The following MOSPD2 variants were observed in gnomAD, a reference collection of about 807,000 sequenced individuals.
The protein encoded by MOSPD2 is motile sperm domain-containing protein 2.
A neutral mutation model predicts 41.7 loss-of-function variants in MOSPD2; 5 were observed. That is an observed-to-expected ratio of 0.12 (90% CI 0.06 to 0.25). The LOEUF (loss-of-function observed/expected upper bound fraction) is 0.25, where lower values mean the gene tolerates loss of function less well. Among genes scored for constraint, MOSPD2 ranks in the 10% least tolerant of loss-of-function variants. The pLI is 1.00. For missense variants in MOSPD2, 282 were observed against 375.2 expected, an observed-to-expected ratio of 0.75 and a Z score of 2.05; for synonymous variants, 115 against 126.9, an observed-to-expected ratio of 0.91 and a Z score of 0.63.
chrX:14,895,034 A>G (rs1205976144), intron 3 of MOSPD2, among the ~76,000 whole-genome samples: 1 of 112,092 alleles, frequency 8.9e-6, no homozygotes, highest in Non-Finnish European at 1.9e-5. Flanking sequence ...GCAAGTCATT[A>G]TGTGAAACAA....
chrX:14,913,545 A>G (rs777217664), intron 10 of MOSPD2, among the ~76,000 whole-genome samples: 68 of 111,838 alleles, frequency 6.1e-4, no homozygotes, highest in Non-Finnish European at 1.0e-3. Flanking sequence ...CTTACTTAAG[A>G]TTAGGCTCTA....
chrX:14,921,694 T>C lies in MOSPD2; in HGVS notation c.*1885T>C, dbSNP rs989849162. 1.6e-5 allele frequency: 3 copies of C among 188,197 alleles called. No individual in the cohort carries two copies. Among genetic ancestry groups the C allele is most frequent in the Non-Finnish European group, 2.9e-5 (3 of 102,003 alleles). 15.5% of individuals were successfully genotyped at this position (188,197 alleles called of 1,213,427 possible). Reference sequence around the variant, plus strand: ...ATAACATATCTTGTTAATGTTTGTGTGTCTATTAAATGTGACTAAGCAGGA... The same window carrying C: ...ATAACATATCTTGTTAATGTTTGTGCGTCTATTAAATGTGACTAAGCAGGA... On this transcript the variant is annotated 3_prime_UTR_variant, in exon 15 of 15. Coordinates refer to ENST00000380492, the MANE Select transcript of MOSPD2 (RefSeq NM_152581.4).
chrX:14,900,045 C>T (rs2092570424), intron 5 of MOSPD2, among the ~76,000 whole-genome samples: 2 of 111,619 alleles, frequency 1.8e-5, no homozygotes, highest in East Asian at 2.8e-4. Flanking sequence ...GTAGATACAG[C>T]AGGCCAATGT....
chrX:14,897,505 G>T (rs1281258285), intron 5 of MOSPD2, among the ~76,000 whole-genome samples: 2 of 111,834 alleles, frequency 1.8e-5, no homozygotes, highest in Non-Finnish European at 3.8e-5. Context: ...AGCATGTCGA[G>T]GCTGGCAAGG....
chrX:14,903,042 ATTTCC>A (rs1297654792), intron 7 of MOSPD2, 38 bp downstream of exon 7: 2 of 934,366 alleles, frequency 2.1e-6, no homozygotes, highest in Non-Finnish European at 3.1e-6. Context: ...AAAATGTCTA[ATTTCC>A]TTTACTTTGC....
At position 14,921,197 on chromosome X, in the gene MOSPD2, A is replaced by G. The variant is rs898611111; in HGVS notation, c.*1388A>G. ...TAAAATGTTGAGTTTCGATTGAGCCATGTTTGGAGATTTTATTACTATTCT... is the reference window on the plus strand; with the variant it reads ...TAAAATGTTGAGTTTCGATTGAGCCGTGTTTGGAGATTTTATTACTATTCT... On this transcript the variant is annotated 3_prime_UTR_variant, in exon 15 of 15. Transcript: ENST00000380492. 271 of 911,392 alleles carry G rather than the reference A, an allele frequency of 3.0e-4. No individual in the cohort carries two copies. The highest frequency in any genetic ancestry group is 3.7e-4 in the Admixed American group (6 of 16,394). The allele number at this position is 911,392 out of a possible 1,213,427, so 75.1% of individuals were successfully genotyped here.
intron 7 of MOSPD2, among the ~76,000 whole-genome samples, chrX:14,905,500 T>G (rs1409099006): frequency 9.1e-6 from 1 of 110,485 alleles, no homozygotes; most frequent in Non-Finnish European, 1.9e-5. Flanking sequence ...ACCTTTTTTT[T>G]TGTTTGTTTT....
At chrX:14,894,515 A>G (rs1290590372) in intron 3 of MOSPD2, among the ~76,000 whole-genome samples, 1 of 109,746 alleles carries the variant, frequency 9.1e-6, no homozygotes, top group African/African-American at 3.3e-5. Context: ...ACAGGGTTTC[A>G]CTGTGTTAGC....
intron 2 of MOSPD2, among the ~76,000 whole-genome samples, chrX:14,888,277 A>G (rs903952928): frequency 1.9e-4 from 20 of 107,750 alleles, no homozygotes; most frequent in Non-Finnish European, 3.5e-4. Context: ...CCCTTCTGAT[A>G]TGGTTTGGCT....
chrX:14,898,127 A>G (rs2092566285), intron 5 of MOSPD2, among the ~76,000 whole-genome samples: 1 of 112,184 alleles, frequency 8.9e-6, no homozygotes, highest in Non-Finnish European at 1.9e-5. Context: ...CAGAAAAAGC[A>G]TCATACATCA....
intron 10 of MOSPD2, among the ~76,000 whole-genome samples, chrX:14,913,688 T>C (rs747431653): frequency 8.9e-6 from 1 of 112,136 alleles, no homozygotes; most frequent in African/African-American, 3.2e-5. Flanking sequence ...ATTCCTGATA[T>C]AAAATTAACC....
intron 2 of MOSPD2, among the ~76,000 whole-genome samples, chrX:14,877,977 C>CA (rs1182798930): frequency 8.0e-4 from 71 of 88,777 alleles, no homozygotes; most frequent in South Asian, 1.0e-3. Flanking sequence ...GACTCCATCT[C>CA]AAAAAAAAAA....
intron 6 of MOSPD2, 112 bp downstream of exon 6, chrX:14,900,747 C>A: frequency 2.7e-6 from 1 of 365,911 alleles, no homozygotes; most frequent in Non-Finnish European, 4.7e-6. Context: ...ACTTTGTTTT[C>A]TGATGAAGAA....
chrX:14,886,645 T>C (rs1243488879), intron 2 of MOSPD2, among the ~76,000 whole-genome samples: 1 of 111,057 alleles, frequency 9.0e-6, no homozygotes, highest in Non-Finnish European at 1.9e-5. Context: ...TCTGGGCCTA[T>C]ACAGAATAAG....
intron 2 of MOSPD2, among the ~76,000 whole-genome samples, chrX:14,884,102 T>C (rs1324371967): frequency 9.0e-6 from 1 of 111,441 alleles, no homozygotes; most frequent in African/African-American, 3.3e-5. Flanking sequence ...GGGAAATAAC[T>C]GCTCACTTAG....
rs1278055235 is a variant in MOSPD2 at position 14,920,490 on chromosome X, AGCG to A, written c.*682_*684del. The A allele has an allele frequency of 5.2e-3, 3,941 of 752,536 alleles. 114 individuals carry two copies. The African/African-American group carries it at 0.083, about 16-fold the overall frequency. The allele number at this position is 752,536 out of a possible 1,213,427, so 62.0% of individuals were successfully genotyped here. A position where few individuals can be genotyped will look rare whatever the true frequency, so the allele number is the denominator to read the frequency against. ...CATTTCAGTAGAATTTGGAAAACTA[AGCG>A]TGGTTGGAATTTCTTTGAATTCTGT... On this transcript the variant is annotated 3_prime_UTR_variant, in exon 15 of 15. Coordinates refer to ENST00000380492, the MANE Select transcript of MOSPD2 (RefSeq NM_152581.4).
rs2092609988 is a variant in MOSPD2, at chrX:14,921,744, A to G, written c.*1935A>G. ...ATTACTGAAAATTCACTATAAAATC[A>G]AAGGCATCTAAACGTTTGTACTTGT... On this transcript the variant is annotated 3_prime_UTR_variant, in exon 15 of 15. Coordinates refer to ENST00000380492, the MANE Select transcript of MOSPD2 (RefSeq NM_152581.4). 7.1e-6 allele frequency: 1 copy of G among 140,314 alleles called. No homozygotes were observed. The highest frequency in any genetic ancestry group is 1.4e-5 in the Non-Finnish European group (1 of 71,073). 11.6% of individuals were successfully genotyped at this position (140,314 alleles called of 1,213,427 possible). A position where few individuals can be genotyped will look rare whatever the true frequency, so the allele number is the denominator to read the frequency against.
At position 14,889,525 on chromosome X, in the gene MOSPD2, C is replaced by A. The variant is rs943555279; in HGVS notation, c.80-3198C>A. On this transcript the variant is annotated intron_variant, in intron 2 of 14. Coordinates refer to ENST00000380492, the MANE Select transcript of MOSPD2 (RefSeq NM_152581.4). The stretch of plus-strand genomic sequence containing the variant: ...TGTCTCATTCTATCTGTCTCTCCCC[C>A]TCTCTTCCCCCTCAACCCTCTCCTC... Among the ~76,000 whole-genome samples the A allele has an allele frequency of 1.9e-5, 2 of 107,789 alleles. 1 individual carries two copies. Among genetic ancestry groups the A allele is most frequent in the South Asian group, 8.6e-4 (2 of 2,333 alleles). 93.6% of individuals were successfully genotyped at this position (107,789 alleles called of 115,157 possible). A position where few individuals can be genotyped will look rare whatever the true frequency, so the allele number is the denominator to read the frequency against.
Position 14,908,857 on chromosome X carries a change from C to T in MOSPD2, c.578-3C>T, listed in dbSNP as rs1241086349. The T allele has an allele frequency of 8.5e-7, 1 of 1,177,640 alleles. No individual in the cohort carries two copies. The highest frequency in any genetic ancestry group is 1.9e-5 in the South Asian group (1 of 52,470). On this transcript the variant is annotated splice_polypyrimidine_tract_variant and splice_region_variant and intron_variant, in intron 7 of 14. Transcript: ENST00000380492. ...TTTAATGAAGTGACTGGTTTTTCTT[C>T]AGCTGCTTTCAAAATTGTGAAAACC...
Sources: allele counts gnomAD v4.1 joint callset (sites outside exome capture counted in the v4.1 genomes callset), GRCh38; gene constraint gnomAD v4.1.1; transcripts MANE v1.5; gene names NCBI Gene and HGNC (gene_info 2026-07-23, HGNC 2026-07-21).